The following CDH7 variants were observed in gnomAD, a reference collection of about 807,000 sequenced individuals.
CDH7 encodes cadherin-7.
In CDH7, 25 loss-of-function variants were observed where a neutral mutation model predicts 71.8. The ratio of observed to expected loss-of-function variants is 0.35; its 90% confidence interval spans 0.25 to 0.49. The LOEUF (loss-of-function observed/expected upper bound fraction) is 0.49, where lower values mean the gene tolerates loss of function less well. CDH7 is among the 20% of genes least tolerant of loss of function. The pLI, the probability that CDH7 is intolerant of heterozygous loss-of-function variation, is 0.99. For synonymous variants in CDH7, 381 were observed against 363.8 expected (o/e 1.05, Z -0.54); for missense variants, 862 against 974.6 (o/e 0.88, Z 1.54).
intron 11 of CDH7, among the ~76,000 whole-genome samples, chr18:65,869,621 C>G (rs1440935635): frequency 8.2e-6 from 1 of 122,050 alleles, no homozygotes; most frequent in Non-Finnish European, 1.6e-5. Flanking sequence ...GATGCTGTTC[C>G]TAAGGACCCC....
In CDH7 at chr18:65,799,457, C is replaced by T. The variant is rs372633892; in HGVS notation, c.211-10247C>T. ...CTTTGGGAGGCCGAGGTGGGCGGAT[C>T]ACGAGGTCAGGAGATCGAGACCATC... On this transcript the variant is annotated intron_variant, in intron 2 of 11. Transcript: ENST00000397968. 2.3e-4 allele frequency among the ~76,000 whole-genome samples: 35 copies of T among 152,152 alleles called. No homozygotes were observed. The East Asian group carries it at 4.7e-3, about 20-fold the overall frequency.
intron 2 of CDH7, among the ~76,000 whole-genome samples, chr18:65,777,577 A>G (rs1437485688): frequency 6.6e-6 from 1 of 152,054 alleles, no homozygotes; most frequent in South Asian, 2.1e-4. Flanking sequence ...TTGCATGACA[A>G]ATTCATCACT....
chr18:65,789,160 A>C (rs1910617548), intron 2 of CDH7, among the ~76,000 whole-genome samples: 1 of 152,188 alleles, frequency 6.6e-6, no homozygotes, highest in Non-Finnish European at 1.5e-5. Flanking sequence ...AATTTTATTA[A>C]TGTGCAGTGG....
rs1913744768 is a variant in CDH7 at position 65,866,065 on chromosome 18, C to CTTAAAAAAAAAA, written c.1864+3148_1864+3149insTTAAAAAAAAAA. Reference sequence around the variant, plus strand: ...CTGTAATCCCAGCACTTTGGGAGGCCGAGGCGGGCGGATCACGAGGTCAGG... The same window carrying CTTAAAAAAAAAA: ...CTGTAATCCCAGCACTTTGGGAGGCCTTAAAAAAAAAAGAGGCGGGCGGATCACGAGGTCAGG... On this transcript the variant is annotated intron_variant, in intron 11 of 11. Transcript: ENST00000397968. 2.2e-4 allele frequency: 2 copies of CTTAAAAAAAAAA among 9,198 alleles called. 1 individual carries two copies. Among genetic ancestry groups the CTTAAAAAAAAAA allele is most frequent in the African/African-American group, 6.5e-4 (2 of 3,080 alleles). 0.6% of individuals were successfully genotyped at this position (9,198 alleles called of 1,614,324 possible). A position where few individuals can be genotyped will look rare whatever the true frequency, so the allele number is the denominator to read the frequency against.
chr18:65,880,528 A>G lies in CDH7; in HGVS notation c.1992A>G (p.Glu664=). ...DDEGGGEEDT[E]AFDMAALRNL... ...AGGGCGGGGGAGAGGAGGACACGGA[A>G]GCGTTTGACATGGCTGCACTGAGAA... Residue 664 remains glutamate (E), a synonymous_variant, in exon 12 of 12, where the codon GAA becomes GAG. Transcript: ENST00000397968. 1.2e-6 allele frequency: 2 copies of G among 1,613,750 alleles called. No homozygotes were observed. The highest frequency in any genetic ancestry group is 1.7e-6 in the Non-Finnish European group (2 of 1,179,914).
At chr18:65,864,542 A>C (rs1913691900) in intron 11 of CDH7, among the ~76,000 whole-genome samples, 1 of 151,778 alleles carries the variant, frequency 6.6e-6, no homozygotes, top group Non-Finnish European at 1.5e-5. Flanking sequence ...AAAAGATGTA[A>C]ATTGCATATT....
intron 2 of CDH7, among the ~76,000 whole-genome samples, chr18:65,781,217 C>T (rs1028508113): frequency 6.6e-6 from 1 of 152,054 alleles, no homozygotes; most frequent in Non-Finnish European, 1.5e-5. Flanking sequence ...ACACTGAATC[C>T]TCAGATTCGA....
Position 65,882,104 on chromosome 18 carries a change from A to G in CDH7, c.*1210A>G, listed in dbSNP as rs1268797278. The G allele has an allele frequency of 6.6e-6, 1 of 152,148 alleles. No homozygotes were observed. The highest frequency in any genetic ancestry group is 2.4e-5 in the African/African-American group (1 of 41,448). 9.4% of individuals were successfully genotyped at this position (152,148 alleles called of 1,614,324 possible). A position where few individuals can be genotyped will look rare whatever the true frequency, so the allele number is the denominator to read the frequency against. ...TTGAGTAAAATATTGAGTTTTTAAAAGTCTTAATATAATGTTATAAAAATT... is the reference window on the plus strand; with the variant it reads ...TTGAGTAAAATATTGAGTTTTTAAAGGTCTTAATATAATGTTATAAAAATT... On this transcript the variant is annotated 3_prime_UTR_variant, in exon 12 of 12. Coordinates refer to ENST00000397968, the MANE Select transcript of CDH7 (RefSeq NM_004361.5).
intron 6 of CDH7, among the ~76,000 whole-genome samples, chr18:65,827,448 C>T (rs886611766): frequency 2.6e-5 from 4 of 151,830 alleles, no homozygotes; most frequent in Non-Finnish European, 1.5e-5. Flanking sequence ...AACAGACTAT[C>T]TAGCTATCAA....
chr18:65,753,577 G>A (rs1380186818), intron 1 of CDH7, among the ~76,000 whole-genome samples: 1 of 152,198 alleles, frequency 6.6e-6, no homozygotes, highest in Non-Finnish European at 1.5e-5. Flanking sequence ...GGTTTGAGAT[G>A]GAAGCTTTTT....
At chr18:65,846,809 A>G (rs1428202087) in intron 7 of CDH7, among the ~76,000 whole-genome samples, 1 of 152,160 alleles carries the variant, frequency 6.6e-6, no homozygotes, top group Admixed American at 6.6e-5. Flanking sequence ...GCTTTATCCC[A>G]AGCTTCTCTG....
intron 6 of CDH7, 61 bp from the exon 7 acceptor site, chr18:65,843,751 A>G: frequency 7.1e-7 from 1 of 1,401,704 alleles, no homozygotes. Context: ...ATAAATGAAA[A>G]GGCTCTGCTT....
At chr18:65,752,314 T>C (rs1386356682) in intron 1 of CDH7, among the ~76,000 whole-genome samples, 1 of 152,240 alleles carries the variant, frequency 6.6e-6, no homozygotes, top group East Asian at 1.9e-4. Flanking sequence ...AGATAACACC[T>C]CACACAAAAA....
In CDH7 at chr18:65,809,168, A is replaced by T. The variant is rs544122328; in HGVS notation, c.211-536A>T. On this transcript the variant is annotated intron_variant, in intron 2 of 11. Transcript: ENST00000397968. ...AATACGGAACAGGACTTGGAGACAG[A>T]TTTAGAGACTGGACATCCAGCCACA... 3.2e-3 allele frequency among the ~76,000 whole-genome samples: 487 copies of T among 152,244 alleles called. 3 individuals carry two copies. Among genetic ancestry groups the T allele is most frequent in the African/African-American group, 0.011 (446 of 41,536 alleles).
intron 2 of CDH7, among the ~76,000 whole-genome samples, chr18:65,787,451 C>T (rs1049928157): frequency 6.6e-6 from 1 of 152,094 alleles, no homozygotes; most frequent in African/African-American, 2.4e-5. Context: ...ATTCAACAGG[C>T]GTTTACCTAC....
Position 65,889,534 on chromosome 18 carries a change from G to T in CDH7, c.*8640G>T, listed in dbSNP as rs571110998. 1 of 152,158 alleles carries T rather than the reference G, an allele frequency of 6.6e-6. No homozygotes were observed. Among genetic ancestry groups the T allele is most frequent in the East Asian group, 1.9e-4 (1 of 5,170 alleles). The allele number at this position is 152,158 out of a possible 1,614,324, so 9.4% of individuals were successfully genotyped here. ...ACGATAACCCACCATGAAGGAGATG[G>T]TTCATAGAAATCTCCAAGAACTTCA... On this transcript the variant is annotated 3_prime_UTR_variant, in exon 12 of 12. Coordinates refer to ENST00000397968, the MANE Select transcript of CDH7 (RefSeq NM_004361.5).
rs772399146 is a variant in CDH7 at position 65,857,810 on chromosome 18, A to G, written c.1236-6A>G. On this transcript the variant is annotated splice_polypyrimidine_tract_variant and splice_region_variant and intron_variant, in intron 7 of 11. Transcript: ENST00000397968. ...AAGGCTTTTCTTTTCTTCAATGTTC[A>G]ATTAGGTACTCAATTGACAGAAACA... The G allele has an allele frequency of 4.3e-6, 7 of 1,610,762 alleles. No individual in the cohort carries two copies. The highest frequency in any genetic ancestry group is 2.5e-6 in the Non-Finnish European group (3 of 1,178,584).
At chr18:65,877,930 T>C (rs1914118555) in intron 11 of CDH7, among the ~76,000 whole-genome samples, 1 of 152,224 alleles carries the variant, frequency 6.6e-6, no homozygotes, top group African/African-American at 2.4e-5. Flanking sequence ...CCTTTGTTTT[T>C]TAATCACCTT....
chr18:65,854,210 A>G (rs1419616728), intron 7 of CDH7, among the ~76,000 whole-genome samples: 1 of 151,586 alleles, frequency 6.6e-6, no homozygotes, highest in African/African-American at 2.4e-5. Flanking sequence ...GGAGGCTGAG[A>G]TGGGAGGATC....
Sources: allele counts gnomAD v4.1 joint callset (sites outside exome capture counted in the v4.1 genomes callset), GRCh38; gene constraint gnomAD v4.1.1; transcripts MANE v1.5; gene names NCBI Gene and HGNC (gene_info 2026-07-23, HGNC 2026-07-21).